Variants in ZDHHC17 observed in about 807,000 individuals in gnomAD.
ZDHHC17 encodes zDHHC palmitoyltransferase 17, also known as palmitoyltransferase ZDHHC17.
ZDHHC17 carries 40 observed loss-of-function variants against 90.3 expected under a neutral mutation model. The observed-to-expected ratio is 0.44, with a 90% CI of 0.34 to 0.58. The LOEUF (loss-of-function observed/expected upper bound fraction) is 0.58, where lower values mean the gene tolerates loss of function less well. Among genes scored for constraint, ZDHHC17 ranks in the 20% least tolerant of loss-of-function variants. ZDHHC17 has a pLI of 0.01. For synonymous variants in ZDHHC17, 235 were observed against 252.4 expected (o/e 0.93, Z 0.65); for missense variants, 614 against 780.8 (o/e 0.79, Z 2.55).
intron 1 of ZDHHC17, among the ~76,000 whole-genome samples, chr12:76,770,675 C>T (rs1010051178): frequency 2.0e-5 from 3 of 152,062 alleles, no homozygotes; most frequent in Non-Finnish European, 4.4e-5. Context: ...TGGTGGCTTA[C>T]GCCTGTAATT....
At chr12:76,830,246 T>C (rs1439347715) in intron 10 of ZDHHC17, among the ~76,000 whole-genome samples, 2 of 152,226 alleles carry the variant, frequency 1.3e-5, no homozygotes, top group Admixed American at 6.5e-5. Flanking sequence ...ATTTTAGTTA[T>C]TAATACCTGG....
At chr12:76,778,975 T>C (rs1266733308) in intron 1 of ZDHHC17, among the ~76,000 whole-genome samples, 1 of 152,184 alleles carries the variant, frequency 6.6e-6, no homozygotes, top group African/African-American at 2.4e-5. Flanking sequence ...ATTTTCTCCT[T>C]TTTAAAAGGA....
chr12:76,852,713 C>T lies in ZDHHC17; in HGVS notation c.*1728C>T, dbSNP rs367809564. 1.3e-5 allele frequency: 2 copies of T among 152,588 alleles called. No individual in the cohort carries two copies. Among genetic ancestry groups the T allele is most frequent in the East Asian group, 3.9e-4 (2 of 5,176 alleles). 9.5% of individuals were successfully genotyped at this position (152,588 alleles called of 1,614,324 possible). The stretch of plus-strand genomic sequence containing the variant: ...GTAGCTTATTTGACCATAAGTCACA[C>T]ATCAAAAAAAGATTACCCTTAGTGT... On this transcript the variant is annotated 3_prime_UTR_variant, in exon 17 of 17. Transcript: ENST00000426126.
chr12:76,846,744 C>T, intron 14 of ZDHHC17, 65 bp downstream of exon 14: 1 of 1,323,280 alleles, frequency 7.6e-7, no homozygotes, highest in South Asian at 1.3e-5. Context: ...ATACTTACCA[C>T]ACTAACAAAT....
intron 8 of ZDHHC17, among the ~76,000 whole-genome samples, chr12:76,822,966 T>A (rs1310687971): frequency 1.3e-5 from 2 of 152,168 alleles, no homozygotes; most frequent in Admixed American, 6.6e-5. Context: ...ATGTAATTTT[T>A]AAAATATTAT....
chr12:76,795,819 C>T (rs997801662), intron 1 of ZDHHC17, among the ~76,000 whole-genome samples: 2 of 152,136 alleles, frequency 1.3e-5, no homozygotes, highest in Non-Finnish European at 2.9e-5. Context: ...AGAACAACCT[C>T]TTAAAAAATC....
At chr12:76,770,753 C>T (rs1057488103) in intron 1 of ZDHHC17, among the ~76,000 whole-genome samples, 1 of 152,032 alleles carries the variant, frequency 6.6e-6, no homozygotes, top group Admixed American at 6.5e-5. Context: ...GCCTGACCAA[C>T]ATGGAGAAAC....
intron 15 of ZDHHC17, among the ~76,000 whole-genome samples, chr12:76,849,147 CAAA>C (rs1466637742): frequency 1.5e-5 from 1 of 68,516 alleles, no homozygotes; most frequent in African/African-American, 5.6e-5. Flanking sequence ...AAAAACCCAA[CAAA>C]AAAAAGAAAA....
chr12:76,810,199 TG>T (rs1953002940), intron 5 of ZDHHC17, among the ~76,000 whole-genome samples: 1 of 152,150 alleles, frequency 6.6e-6, no homozygotes, highest in Admixed American at 6.5e-5. Context: ...ACTTATTTAT[TG>T]GTTATTTTAT....
chr12:76,801,252 T>G (rs116761917), intron 2 of ZDHHC17, among the ~76,000 whole-genome samples: 6,518 of 151,946 alleles, frequency 0.043, 172 homozygotes, highest in African/African-American at 0.069. Context: ...TGTTTTTTTT[T>G]TGTGTGTTTA....
intron 4 of ZDHHC17, 87 bp from the exon 5 acceptor site, chr12:76,809,626 A>C: frequency 9.0e-6 from 10 of 1,113,576 alleles, no homozygotes; most frequent in Non-Finnish European, 1.2e-5. Flanking sequence ...TAATCTTCCC[A>C]CCATACCTTA....
chr12:76,827,012 G>T lies in ZDHHC17; in HGVS notation c.1002G>T (p.Met334Ile). ...NIDSWLIKGLMYGGVWATVQF... is the reference protein window; with the variant it reads ...NIDSWLIKGLIYGGVWATVQF... ...ATTCTTGGCTCATTAAAGGGCTAAT[G>T]TATGGTGGTGTTTGGGCTACAGTAC... Residue 334 changes from methionine to isoleucine, a missense_variant, in exon 9 of 17, where the codon ATG (methionine) becomes ATT (isoleucine). Physicochemically the swap from Met to Ile is conservative, Grantham distance 10. Around this residue, in one of 5 missense-constraint regions of ZDHHC17, gnomAD observed 117 missense variants for 183.6 expected, o/e 0.64. Transcript: ENST00000426126. 1 of 1,566,266 alleles carries T rather than the reference G, an allele frequency of 6.4e-7. No homozygotes were observed. Among genetic ancestry groups the T allele is most frequent in the East Asian group, 2.4e-5 (1 of 42,216 alleles).
intron 10 of ZDHHC17, among the ~76,000 whole-genome samples, chr12:76,837,533 A>G (rs1000578279): frequency 6.6e-6 from 1 of 152,162 alleles, no homozygotes; most frequent in Non-Finnish European, 1.5e-5. Flanking sequence ...ATTTGTTACC[A>G]TTGAGATTAA....
In ZDHHC17 at chr12:76,851,033, G is replaced by A. The variant is rs1014342188; in HGVS notation, c.*48G>A. 1 of 1,608,498 alleles carries A rather than the reference G, an allele frequency of 6.2e-7. No individual in the cohort carries two copies. The highest frequency in any genetic ancestry group is 8.5e-7 in the Non-Finnish European group (1 of 1,177,252). ...TATTGCTGAGTGGTGCCTGAAAATT[G>A]TGTCTGTCCGTGTCTTTCTCACACT... On this transcript the variant is annotated 3_prime_UTR_variant, in exon 17 of 17. Coordinates refer to ENST00000426126, the MANE Select transcript of ZDHHC17 (RefSeq NM_015336.4).
At chr12:76,794,722 C>T (rs1952799338) in intron 1 of ZDHHC17, among the ~76,000 whole-genome samples, 1 of 152,054 alleles carries the variant, frequency 6.6e-6, no homozygotes, top group South Asian at 2.1e-4. Flanking sequence ...TTTAAGCTCG[C>T]ATTTGGCAAT....
At chr12:76,769,561 C>A (rs1008787490) in intron 1 of ZDHHC17, among the ~76,000 whole-genome samples, 1 of 152,044 alleles carries the variant, frequency 6.6e-6, no homozygotes, top group African/African-American at 2.4e-5. Context: ...TCCTTCAAAG[C>A]ACTTCTTTAT....
chr12:76,821,567 T>C (rs1953162897), intron 7 of ZDHHC17, among the ~76,000 whole-genome samples: 1 of 152,188 alleles, frequency 6.6e-6, no homozygotes, highest in African/African-American at 2.4e-5. Flanking sequence ...ATCTTTACAT[T>C]CTTGAAACTT....
rs748894874 is a variant in ZDHHC17 at position 76,815,225 on chromosome 12, T to C, written c.608+15T>C. On this transcript the variant is annotated intron_variant, in intron 6 of 16. Coordinates refer to ENST00000426126, the MANE Select transcript of ZDHHC17 (RefSeq NM_015336.4). ...AGAACACATAGGTATGTAATGACTA[T>C]AAAAAACTTATTTAGGCCATTTCAG... The C allele has an allele frequency of 2.5e-5, 39 of 1,533,246 alleles. No homozygotes were observed. Among genetic ancestry groups the C allele is most frequent in the Non-Finnish European group, 3.4e-5 (39 of 1,135,000 alleles). The allele number at this position is 1,533,246 out of a possible 1,614,324, so 95.0% of individuals were successfully genotyped here. A position where few individuals can be genotyped will look rare whatever the true frequency, so the allele number is the denominator to read the frequency against.
At chr12:76,849,341 A>AAAAAAAAAAAAAC in intron 15 of ZDHHC17, 35 bp from the exon 16 acceptor site, 1 of 1,118,996 alleles carries the variant, frequency 8.9e-7, no homozygotes, top group Non-Finnish European at 1.3e-6. Flanking sequence ...AAAAAAAAAA[A>AAAAAAAAAAAAAC]CAAGAATAAT....
Sources: gnomAD v4.1 joint callset for allele counts (sites outside exome capture counted in the v4.1 genomes callset) on GRCh38, gnomAD v4.1.1 for gene constraint, gnomAD v4.1.1 regional missense constraint, MANE v1.5 for transcripts, NCBI Gene and HGNC (gene_info 2026-07-23, HGNC 2026-07-21) for gene names.